CPLANE1: variants seen among roughly 807,000 people sequenced by gnomAD.
CPLANE1 encodes ciliogenesis and planar polarity effector 1.
Under a neutral mutation model 362.5 loss-of-function variants are expected in CPLANE1, and 263 were observed. The ratio of observed to expected loss-of-function variants is 0.73; its 90% CI spans 0.66 to 0.80. CPLANE1 has a LOEUF of 0.80. CPLANE1 is among the 30% of genes least tolerant of loss of function. The pLI, the probability that CPLANE1 is intolerant of heterozygous loss-of-function variation, is 0.00. For missense variants in CPLANE1, 3,461 were observed against 3,793.4 expected (o/e 0.91, Z 2.30); for synonymous variants, 1,212 against 1,302.6 (o/e 0.93, Z 1.50).
At position 37,157,657 on chromosome 5, in the gene CPLANE1, AG is replaced by A. The variant is rs774770884; in HGVS notation, c.8011+12del. The stretch of plus-strand genomic sequence containing the variant: ...TTCAAATTATATTTGTTTTAAAAGT[AG>A]GAAAAAATTACCTTGACTCTTAAAA... On this transcript the variant is annotated intron_variant, in intron 40 of 52. Transcript: ENST00000651892. 5.5e-5 allele frequency: 88 copies of A among 1,605,968 alleles called. No homozygotes were observed. The highest frequency in any genetic ancestry group is 4.4e-4 in the South Asian group (40 of 90,322).
chr5:37,138,555 G>T (rs1768570646), intron 46 of CPLANE1, 165 bp downstream of exon 46: 1 of 780,298 alleles, frequency 1.3e-6, no homozygotes, highest in Non-Finnish European at 2.3e-6. Context: ...TATATTGTTA[G>T]AGAAAAGGGA....
At chr5:37,185,225 T>C in intron 24 of CPLANE1, 146 bp from the exon 25 acceptor site, 1 of 666,112 alleles carries the variant, frequency 1.5e-6, no homozygotes, top group Non-Finnish European at 2.5e-6. Flanking sequence ...TCGTGTTTTC[T>C]TCAGTATTTA....
chr5:37,167,106 T>C lies in CPLANE1; in HGVS notation c.7341A>G (p.Gln2447=), dbSNP rs1424374141. Residue 2447 remains glutamine (Q), a synonymous_variant, in exon 35 of 53, where the codon CAA becomes CAG. Coordinates refer to ENST00000651892, the MANE Select transcript of CPLANE1 (RefSeq NM_001384732.1). ...LFEQGDAGHL[Q]LLKVKIEPPE... ...GTGGTTCTATTTTGACCTTTAGAAG[T>C]TGAAGGTGTCCAGCATCACCTTGTT... 9 of 1,613,142 alleles carry C rather than the reference T, an allele frequency of 5.6e-6. No individual in the cohort carries two copies. Among genetic ancestry groups the C allele is most frequent in the Middle Eastern group, 1.6e-4 (1 of 6,078 alleles).
At chr5:37,115,243 G>A (rs1268360493) in intron 50 of CPLANE1, among the ~76,000 whole-genome samples, 194 bp from the exon 51 acceptor site, 3 of 152,114 alleles carry the variant, frequency 2.0e-5, no homozygotes, top group Non-Finnish European at 2.9e-5. Context: ...ACAAAGAAAG[G>A]GAATACTTTG....
In CPLANE1 at chr5:37,211,538, G is replaced by C. The variant is rs573857672; in HGVS notation, c.2920+2021C>G. The C allele has an allele frequency of 2.4e-5, 30 of 1,259,750 alleles. No individual in the cohort carries two copies. In the East Asian group the frequency reaches 6.0e-4, roughly 25 times the overall value. 78.0% of individuals were successfully genotyped at this position (1,259,750 alleles called of 1,614,324 possible). ...CCCTGACAGGCAGTGCAGCCTCAAG[G>C]CTATGCGGGGGCACTTCCTCCAGAC... On this transcript the variant is annotated intron_variant, in intron 16 of 52. Coordinates refer to ENST00000651892, the MANE Select transcript of CPLANE1 (RefSeq NM_001384732.1).
chr5:37,170,109 G>C lies in CPLANE1; in HGVS notation c.6394C>G (p.Arg2132Gly), dbSNP rs578127199. The C allele has an allele frequency of 6.2e-7, 1 of 1,613,992 alleles. No individual in the cohort carries two copies. The highest frequency in any genetic ancestry group is 8.5e-7 in the Non-Finnish European group (1 of 1,180,018). Reference protein sequence around the residue: ...QSMGENAREPRKNSPHCHEGT... With the variant: ...QSMGENAREPGKNSPHCHEGT... ...TCATGGCAGTGTGGGCTGTTCTTGC[G>C]AGGCTCTCTGGCGTTCTCTCCCATT... Residue 2132 changes from arginine (R) to glycine (G), a missense_variant, in exon 33 of 53, where the codon CGC becomes GGC. Coordinates refer to ENST00000651892, the MANE Select transcript of CPLANE1 (RefSeq NM_001384732.1).
In CPLANE1 at chr5:37,210,090, G is replaced by C. The variant is rs558032643; in HGVS notation, c.2920+3469C>G. The C allele has an allele frequency of 6.1e-6, 5 of 821,212 alleles. No individual in the cohort carries two copies. The African/African-American group carries it at 6.8e-5, about 11-fold the overall frequency. The allele number at this position is 821,212 out of a possible 1,614,324, so 50.9% of individuals were successfully genotyped here. On this transcript the variant is annotated intron_variant, in intron 16 of 52. Transcript: ENST00000651892. ...AAAAAAAAAGTATGAGAAGGAATTA[G>C]CCGTGTTCCAGAATGATTTTGAGAA...
At chr5:37,198,296 G>A (rs191598601) in intron 20 of CPLANE1, among the ~76,000 whole-genome samples, 13 of 152,128 alleles carry the variant, frequency 8.5e-5, no homozygotes, top group African/African-American at 2.7e-4. Context: ...GGAGGCTACC[G>A]GATGGAAACA....
intron 15 of CPLANE1, among the ~76,000 whole-genome samples, chr5:37,217,934 C>T (rs1794495820): frequency 6.6e-6 from 1 of 151,474 alleles, no homozygotes; most frequent in African/African-American, 2.4e-5. Context: ...GAGCCGAGAT[C>T]GTGCCTCTGC....
chr5:37,179,595 T>C (rs1782124277), intron 28 of CPLANE1, 152 bp from the exon 29 acceptor site: 1 of 608,736 alleles, frequency 1.6e-6, no homozygotes, highest in African/African-American at 1.9e-5. Flanking sequence ...ACACCTGGAG[T>C]CTATTCCATC....
intron 46 of CPLANE1, among the ~76,000 whole-genome samples, chr5:37,134,947 C>T (rs930294133): frequency 2.0e-5 from 3 of 152,046 alleles, no homozygotes; most frequent in African/African-American, 7.2e-5. Flanking sequence ...GCATGTGCCA[C>T]CATGCCCAGC....
Position 37,153,865 on chromosome 5 carries a change from G to A in CPLANE1, c.8248C>T (p.Gln2750Ter), listed in dbSNP as rs143060853. The change falls in exon 42 of 53, where the codon CAA becomes TAA. Residue 2750 changes from glutamine to a stop codon, truncating the protein, a stop_gained. Transcript: ENST00000651892. LOFTEE classifies it high-confidence loss of function. ...AGCTTAGCACTGAGATGCTCTAGTT[G>A]GTGAGCTGCAGAGCTTGGTGCAGGG... ...ACPAPSSAAH[Q>*]LEHLSAKLQK... 2 of 1,614,090 alleles carry A rather than the reference G, an allele frequency of 1.2e-6. No individual in the cohort carries two copies. Among genetic ancestry groups the A allele is most frequent in the African/African-American group, 1.3e-5 (1 of 75,008 alleles).
chr5:37,119,556 G>A (rs549634325), intron 50 of CPLANE1, among the ~76,000 whole-genome samples: 251 of 152,288 alleles, frequency 1.6e-3, no homozygotes, highest in African/African-American at 5.8e-3. Context: ...TATAATCCCA[G>A]CTATTTGGGA....
chr5:37,147,971 CAAAAAAAA>C (rs11284644), intron 43 of CPLANE1, among the ~76,000 whole-genome samples: 902 of 15,268 alleles, frequency 0.059, 14 homozygotes, highest in Middle Eastern at 0.12. Context: ...ACTGCCTTCT[CAAAAAAAA>C]AAAAAAAAAA....
chr5:37,186,437 C>CTTT, intron 23 of CPLANE1, 43 bp from the exon 24 acceptor site: 2 of 827,412 alleles, frequency 2.4e-6, no homozygotes, highest in Non-Finnish European at 4.2e-6. Flanking sequence ...AAACATCATT[C>CTTT]TTTTTTTTTC....
chr5:37,196,895 G>A (rs770334262), intron 20 of CPLANE1, among the ~76,000 whole-genome samples: 37 of 151,890 alleles, frequency 2.4e-4, no homozygotes, highest in Non-Finnish European at 4.3e-4. Flanking sequence ...ACTGCACCCA[G>A]CCTGGGCGAC....
chr5:37,206,819 G>A (rs1790894237), intron 16 of CPLANE1, among the ~76,000 whole-genome samples: 1 of 151,838 alleles, frequency 6.6e-6, no homozygotes, highest in Non-Finnish European at 1.5e-5. Context: ...ACCGTGACAT[G>A]GGTCACAATG....
chr5:37,206,516 A>G lies in CPLANE1; in HGVS notation c.2921-91T>C, dbSNP rs1218712112. The G allele has an allele frequency of 4.8e-6, 4 of 837,336 alleles. No individual in the cohort carries two copies. The Admixed American group carries it at 9.4e-5, about 20-fold the overall frequency. 51.9% of individuals were successfully genotyped at this position (837,336 alleles called of 1,614,324 possible). ...CATATTTATCTCTTCAATCAGTATT[A>G]TCTACAAAAAACCACCAGGAAGATA... On this transcript the variant is annotated intron_variant, in intron 16 of 52. Transcript: ENST00000651892.
chr5:37,139,405 G>GT (rs751987460), intron 44 of CPLANE1, 35 bp from the exon 45 acceptor site: 1,324 of 1,086,744 alleles, frequency 1.2e-3, no homozygotes, highest in South Asian at 1.7e-3. Flanking sequence ...AAAATTTTGG[G>GT]TTTTTTTTTG....
Sources: gnomAD v4.1 joint callset for allele counts (sites outside exome capture counted in the v4.1 genomes callset) on GRCh38, gnomAD v4.1.1 for gene constraint, MANE v1.5 for transcripts, NCBI Gene and HGNC (gene_info 2026-07-23, HGNC 2026-07-21) for gene names.